TAFA2: variants seen among roughly 807,000 people sequenced by gnomAD.
The protein encoded by TAFA2 is TAFA chemokine like family member 2, also known as chemokine-like protein TAFA-2.
TAFA2 carries 7 observed loss-of-function variants against 18.8 expected under a neutral mutation model. That is an observed-to-expected ratio of 0.37 (90% confidence interval 0.21 to 0.70). The LOEUF is 0.70. Ranked by LOEUF, TAFA2 falls within the 30% of genes least tolerant of loss-of-function variation. The probability of loss-of-function intolerance (pLI) is 0.53; values close to 1 mark genes in which losing one functional copy is unlikely to be tolerated. For synonymous variants in TAFA2, 60 were observed against 54.2 expected (o/e 1.11, Z -0.47); for missense variants, 122 against 158.1 (o/e 0.77, Z 1.23).
At chr12:62,169,708 T>G (rs1320835082) in intron 1 of TAFA2, among the ~76,000 whole-genome samples, 1 of 151,904 alleles carries the variant, frequency 6.6e-6, no homozygotes, top group African/African-American at 2.4e-5. Context: ...AAAATTAGCC[T>G]GGCATAGTGG....
chr12:61,877,922 T>TACAC (rs1202685029), intron 1 of TAFA2, among the ~76,000 whole-genome samples: 27 of 146,116 alleles, frequency 1.8e-4, no homozygotes, highest in African/African-American at 5.2e-4. Flanking sequence ...TATATATATA[T>TACAC]ATACACACAC....
chr12:61,877,837 A>G lies in TAFA2; in HGVS notation c.-1-10411T>C, dbSNP rs184866451. ...CTGTAAACTGTATAGTAGTGTATAA[A>G]TTAGACTTATTACCAAATCATACTA... On this transcript the variant is annotated intron_variant, in intron 1 of 4. Coordinates refer to ENST00000416284, the MANE Select transcript of TAFA2 (RefSeq NM_178539.5). 3.3e-5 allele frequency among the ~76,000 whole-genome samples: 5 copies of G among 152,152 alleles called. No homozygotes were observed. The South Asian group carries it at 6.2e-4, about 19-fold the overall frequency.
rs376833995 is a variant in TAFA2 at position 62,121,089 on chromosome 12, G to A, written c.-2+70170C>T. On this transcript the variant is annotated intron_variant, in intron 1 of 4. Coordinates refer to ENST00000416284, the MANE Select transcript of TAFA2 (RefSeq NM_178539.5). ...GGCTGGTCTCAAACTCCTGACCTCC[G>A]GTGATCTGGCTGCATCATGATTTCT... Among the ~76,000 whole-genome samples, 51 of 151,958 alleles carry A rather than the reference G, an allele frequency of 3.4e-4. No homozygotes were observed. The South Asian group carries it at 6.4e-3, about 19-fold the overall frequency.
At chr12:61,776,190 G>A in intron 2 of TAFA2, 1 of 303,122 alleles carries the variant, frequency 3.3e-6, no homozygotes, top group Non-Finnish European at 6.5e-6. Context: ...AAGAATTAAT[G>A]TGTGTATTGA....
intron 1 of TAFA2, among the ~76,000 whole-genome samples, chr12:62,109,632 G>A (rs773894686): frequency 2.6e-5 from 4 of 152,066 alleles, no homozygotes; most frequent in Non-Finnish European, 5.9e-5. Context: ...TTTTCCATTT[G>A]TTTGTGTTCT....
At chr12:61,780,239 CATGCGGAAGA>C (rs1870447706) in intron 2 of TAFA2, among the ~76,000 whole-genome samples, 1 of 151,760 alleles carries the variant, frequency 6.6e-6, no homozygotes, top group African/African-American at 2.4e-5. Context: ...ACACATATCA[CATGCGGAAGA>C]AACTAATAGT....
At chr12:61,810,976 A>T (rs1871843279) in intron 2 of TAFA2, among the ~76,000 whole-genome samples, 1 of 150,538 alleles carries the variant, frequency 6.6e-6, no homozygotes, top group Non-Finnish European at 1.5e-5. Context: ...TAATCTATCG[A>T]GAATTGATGA....
At chr12:61,986,641 C>A (rs1054659267) in intron 1 of TAFA2, among the ~76,000 whole-genome samples, 1 of 139,974 alleles carries the variant, frequency 7.1e-6, no homozygotes, top group South Asian at 2.4e-4. Context: ...ATTTACTGGC[C>A]ATGAGACTTA....
At chr12:62,066,584 T>G (rs777507628) in intron 1 of TAFA2, among the ~76,000 whole-genome samples, 1 of 152,144 alleles carries the variant, frequency 6.6e-6, no homozygotes, top group Non-Finnish European at 1.5e-5. Flanking sequence ...TTTCTGTGTC[T>G]GGCTTATTTC....
chr12:61,829,309 C>T (rs1452423024), intron 2 of TAFA2, among the ~76,000 whole-genome samples: 2 of 151,412 alleles, frequency 1.3e-5, no homozygotes, highest in African/African-American at 2.4e-5. Flanking sequence ...ATTTTAATGC[C>T]GTATCAGGCA....
intron 1 of TAFA2, among the ~76,000 whole-genome samples, chr12:61,900,357 G>A (rs553511902): frequency 6.6e-6 from 1 of 152,226 alleles, no homozygotes; most frequent in Admixed American, 6.5e-5. Flanking sequence ...TCCACACATT[G>A]CCAACACTTG....
intron 1 of TAFA2, among the ~76,000 whole-genome samples, chr12:62,144,888 T>G (rs1404488712): frequency 6.6e-6 from 1 of 152,200 alleles, no homozygotes; most frequent in Non-Finnish European, 1.5e-5. Context: ...TGAACTTGCC[T>G]TGATGTCCAG....
At chr12:62,181,363 T>C (rs1027097153) in intron 1 of TAFA2, among the ~76,000 whole-genome samples, 4 of 152,314 alleles carry the variant, frequency 2.6e-5, no homozygotes, top group East Asian at 1.9e-4. Flanking sequence ...TGAGAATCAA[T>C]AGAAATGAGA....
intron 2 of TAFA2, among the ~76,000 whole-genome samples, chr12:61,802,799 CT>C (rs1172502922): frequency 6.6e-6 from 1 of 151,952 alleles, no homozygotes; most frequent in East Asian, 1.9e-4. Context: ...ATAATAATTA[CT>C]TTTATTTGAT....
chr12:62,240,875 G>C (rs889461561), intron 1 of TAFA2, among the ~76,000 whole-genome samples: 1 of 152,146 alleles, frequency 6.6e-6, no homozygotes, highest in African/African-American at 2.4e-5. Flanking sequence ...ACCATATTGT[G>C]AACGGTGCAT....
chr12:62,092,991 T>A (rs573644903), intron 1 of TAFA2, among the ~76,000 whole-genome samples: 60 of 152,174 alleles, frequency 3.9e-4, no homozygotes, highest in Admixed American at 2.1e-3. Context: ...CAGCGAAGGC[T>A]TTATTTGATA....
intron 1 of TAFA2, among the ~76,000 whole-genome samples, chr12:62,020,838 C>G (rs1008547277): frequency 2.6e-5 from 4 of 152,096 alleles, no homozygotes; most frequent in African/African-American, 7.2e-5. Flanking sequence ...TTATATGGCC[C>G]ACAAACTGAA....
chr12:61,709,425 T>C lies in TAFA2; in HGVS notation c.*981A>G, dbSNP rs766569685. On this transcript the variant is annotated 3_prime_UTR_variant, in exon 5 of 5. Transcript: ENST00000416284. Reference sequence around the variant, plus strand: ...TCAAGCAAAAGAAAGTCTTTTAAAATGAGATAGGACAGTTTTTTAAAAAAT... The same window carrying C: ...TCAAGCAAAAGAAAGTCTTTTAAAACGAGATAGGACAGTTTTTTAAAAAAT... 4 of 151,992 alleles carry C rather than the reference T, an allele frequency of 2.6e-5. No homozygotes were observed. Among genetic ancestry groups the C allele is most frequent in the African/African-American group, 4.8e-5 (2 of 41,404 alleles). The allele number at this position is 151,992 out of a possible 1,614,324, so 9.4% of individuals were successfully genotyped here. A position where few individuals can be genotyped will look rare whatever the true frequency, so the allele number is the denominator to read the frequency against.
chr12:61,749,036 T>C (rs932354371), intron 4 of TAFA2, among the ~76,000 whole-genome samples: 1 of 150,842 alleles, frequency 6.6e-6, no homozygotes, highest in Non-Finnish European at 1.5e-5. Flanking sequence ...GAGTCCAAGG[T>C]GGGCGGATCA....
Sources: gnomAD v4.1 joint callset for allele counts (sites outside exome capture counted in the v4.1 genomes callset) on GRCh38, gnomAD v4.1.1 for gene constraint, MANE v1.5 for transcripts, NCBI Gene and HGNC (gene_info 2026-07-23, HGNC 2026-07-21) for gene names.